Variants in STN1 observed in about 807,000 individuals in gnomAD.
STN1 encodes the protein CST complex subunit STN1.
STN1 carries 29 observed loss-of-function variants against 45.5 expected under a neutral mutation model. The ratio of observed to expected loss-of-function variants is 0.64; its 90% CI spans 0.47 to 0.87. The LOEUF (loss-of-function observed/expected upper bound fraction) is 0.87, where lower values mean the gene tolerates loss of function less well. Among genes scored for constraint, STN1 ranks in the 40% least tolerant of loss-of-function variants. The pLI is 0.00. For missense variants in STN1, 376 were observed against 441.4 expected (o/e 0.85, Z 1.33); for synonymous variants, 148 against 159.0 (o/e 0.93, Z 0.52).
At chr10:103,916,246 G>A (rs1486065396) in intron 2 of STN1, among the ~76,000 whole-genome samples, 1 of 152,204 alleles carries the variant, frequency 6.6e-6, no homozygotes, top group East Asian at 1.9e-4. Context: ...CCTACAGGTA[G>A]AGTTAAGCCC....
At chr10:103,917,435 G>A in intron 2 of STN1, 27 bp downstream of exon 2, 5 of 1,606,950 alleles carry the variant, frequency 3.1e-6, no homozygotes, top group Non-Finnish European at 4.3e-6. Flanking sequence ...TGCAGCCCAG[G>A]GCATCCCAGG....
At chr10:103,900,828 C>G (rs182175784) in intron 4 of STN1, among the ~76,000 whole-genome samples, 27 of 152,256 alleles carry the variant, frequency 1.8e-4, no homozygotes, top group Non-Finnish European at 2.1e-4. Context: ...CCAATGTACA[C>G]TCAATTCTAA....
intron 7 of STN1, among the ~76,000 whole-genome samples, chr10:103,894,791 G>A (rs1243185926): frequency 6.6e-6 from 1 of 151,740 alleles, no homozygotes; most frequent in Non-Finnish European, 1.5e-5. Context: ...GAACTGGGTG[G>A]ATCCCTGAAA....
chr10:103,914,985 G>A (rs1843319732), intron 2 of STN1, among the ~76,000 whole-genome samples: 1 of 152,138 alleles, frequency 6.6e-6, no homozygotes, highest in Admixed American at 6.5e-5. Flanking sequence ...ACTCCCTCAG[G>A]TTTGATAATT....
intron 7 of STN1, among the ~76,000 whole-genome samples, chr10:103,894,820 CCAAA>C (rs1401640556): frequency 6.6e-6 from 1 of 152,096 alleles, no homozygotes; most frequent in African/African-American, 2.4e-5. Context: ...GTCTTCATTC[CCAAA>C]CAAACTCAAC....
chr10:103,912,263 G>A (rs758703521), intron 2 of STN1, among the ~76,000 whole-genome samples: 33 of 151,976 alleles, frequency 2.2e-4, no homozygotes, highest in Non-Finnish European at 3.2e-4. Flanking sequence ...TCTCCCTGTC[G>A]CCCATGCTGG....
rs1285954906 is a variant in STN1, at chr10:103,882,828, G to T, written c.963C>A (p.Gly321=). Residue 321 remains glycine (G), a synonymous_variant, in exon 10 of 10, where the codon GGC becomes GGA. Transcript: ENST00000224950. ...AGGCCAAGATGTGCAGGAAGTGACA[G>T]CCCTTCTCCATGTCTGCAGGAAAAA... ...DCQKPNHMEK[G]CHFLHILACA... The T allele has an allele frequency of 6.2e-7, 1 of 1,612,036 alleles. No homozygotes were observed. The highest frequency in any genetic ancestry group is 1.3e-5 in the African/African-American group (1 of 74,898).
chr10:103,883,029 A>C (rs145106972), intron 9 of STN1, among the ~76,000 whole-genome samples, 188 bp from the exon 10 acceptor site: 45 of 152,326 alleles, frequency 3.0e-4, no homozygotes, highest in African/African-American at 1.1e-3. Flanking sequence ...CAGGCCCCTG[A>C]TGTCACCACG....
In STN1 at chr10:103,882,021, T is replaced by A. The variant is rs1197573248; in HGVS notation, c.*663A>T. On this transcript the variant is annotated 3_prime_UTR_variant, in exon 10 of 10. Coordinates refer to ENST00000224950, the MANE Select transcript of STN1 (RefSeq NM_024928.5). ...CCTCTGTAAGTGCAGGGAAATGTAC[T>A]GGGACACCTTTCGATTCCCAAGGAA... 2.0e-5 allele frequency among the ~76,000 whole-genome samples: 3 copies of A among 152,220 alleles called. No homozygotes were observed. The highest frequency in any genetic ancestry group is 7.2e-5 in the African/African-American group (3 of 41,448).
chr10:103,908,124 A>G (rs1843255039), intron 3 of STN1, among the ~76,000 whole-genome samples: 1 of 116,012 alleles, frequency 8.6e-6, no homozygotes, highest in African/African-American at 2.8e-5. Flanking sequence ...GCGAGACTCC[A>G]TCTCAAAAAA....
chr10:103,914,063 G>C (rs1281277372), intron 2 of STN1, among the ~76,000 whole-genome samples: 1 of 151,966 alleles, frequency 6.6e-6, no homozygotes, highest in African/African-American at 2.4e-5. Flanking sequence ...TCTCTTTTTA[G>C]TTTAACTGCT....
intron 9 of STN1, 61 bp downstream of exon 9, chr10:103,889,011 C>G (rs947673304): frequency 1.7e-6 from 2 of 1,206,808 alleles, no homozygotes; most frequent in Non-Finnish European, 2.5e-6. Context: ...TCCAGTGCTC[C>G]CCGGGAGACA....
rs150686085 is a variant in STN1, at chr10:103,901,962, G to A, written c.296-1739C>T. Among the ~76,000 whole-genome samples, 21 of 152,188 alleles carry A rather than the reference G, an allele frequency of 1.4e-4. No individual in the cohort carries two copies. In the East Asian group the frequency reaches 3.7e-3, roughly 27 times the overall value. ...ACCTTAAAAAATACATAATTATTCC[G>A]TACATCTTATTTTGCTTTTAAATTG... On this transcript the variant is annotated intron_variant, in intron 4 of 9. Coordinates refer to ENST00000224950, the MANE Select transcript of STN1 (RefSeq NM_024928.5).
chr10:103,911,821 T>A (rs1843292967), intron 2 of STN1, among the ~76,000 whole-genome samples: 1 of 152,172 alleles, frequency 6.6e-6, no homozygotes, highest in Admixed American at 6.5e-5. Flanking sequence ...CGACGCCCCT[T>A]ATAACCCCCA....
chr10:103,914,363 TATATATATA>T (rs1233142363), intron 2 of STN1, among the ~76,000 whole-genome samples: 999 of 17,212 alleles, frequency 0.058, 80 homozygotes, highest in East Asian at 0.088. Flanking sequence ...TATATATATA[TATATATATA>T]TATTTTTTTT....
At chr10:103,888,251 T>C (rs758424145) in intron 9 of STN1, among the ~76,000 whole-genome samples, 14 of 152,186 alleles carry the variant, frequency 9.2e-5, no homozygotes, top group Non-Finnish European at 1.5e-4. Flanking sequence ...CAGGGATGTA[T>C]GGGCCGAAGG....
intron 2 of STN1, among the ~76,000 whole-genome samples, chr10:103,914,365 T>C (rs1226780502): frequency 1.3e-4 from 2 of 15,430 alleles, no homozygotes; most frequent in African/African-American, 3.5e-4. Flanking sequence ...TATATATATA[T>C]ATATATATAT....
In STN1 at chr10:103,882,660, C is replaced by T. The variant is rs770196813; in HGVS notation, c.*24G>A. Reference sequence around the variant, plus strand: ...TGAATGCCACCTTATCTTTGTCCTCCTCAGCTGGTCTGCGTGTCTCTGCTC... The same window carrying T: ...TGAATGCCACCTTATCTTTGTCCTCTTCAGCTGGTCTGCGTGTCTCTGCTC... On this transcript the variant is annotated 3_prime_UTR_variant, in exon 10 of 10. Transcript: ENST00000224950. 5.0e-6 allele frequency: 8 copies of T among 1,584,676 alleles called. No individual in the cohort carries two copies. Among genetic ancestry groups the T allele is most frequent in the East Asian group, 2.3e-5 (1 of 44,228 alleles).
In STN1 at chr10:103,881,877, C is replaced by T. The variant is rs1412894534; in HGVS notation, c.*807G>A. Among the ~76,000 whole-genome samples the T allele has an allele frequency of 2.0e-5, 3 of 152,178 alleles. No homozygotes were observed. The highest frequency in any genetic ancestry group is 7.2e-5 in the African/African-American group (3 of 41,440). On this transcript the variant is annotated 3_prime_UTR_variant, in exon 10 of 10. Transcript: ENST00000224950. ...TACCGAGTCTTTGTCTGGATGGTGT[C>T]AGCACATCCTGCACACTCAGCGGCA...
Sources: allele counts gnomAD v4.1 joint callset (sites outside exome capture counted in the v4.1 genomes callset), GRCh38; gene constraint gnomAD v4.1.1; transcripts MANE v1.5; gene names NCBI Gene and HGNC (gene_info 2026-07-23, HGNC 2026-07-21).